CARS2: variants seen among roughly 807,000 people sequenced by gnomAD.
CARS2 encodes cysteinyl-tRNA synthetase 2, mitochondrial.
CARS2 carries 52 observed loss-of-function variants against 68.8 expected under a neutral mutation model. That is an observed-to-expected ratio of 0.76 (90% CI 0.61 to 0.95). The LOEUF is 0.95. Ranked by LOEUF, CARS2 falls within the 40% of genes least tolerant of loss-of-function variation. The pLI is 0.00. For missense variants in CARS2, 780 were observed against 754.2 expected (o/e 1.03, Z -0.40); for synonymous variants, 314 against 303.6 (o/e 1.03, Z -0.36).
At chr13:110,692,069 C>T (rs1408699871) in intron 3 of CARS2, among the ~76,000 whole-genome samples, 2 of 136,558 alleles carry the variant, frequency 1.5e-5, no homozygotes, top group African/African-American at 2.8e-5. Context: ...TATATATATA[C>T]ACACATACAT....
chr13:110,680,261 A>T (rs2063122863), intron 6 of CARS2, among the ~76,000 whole-genome samples: 2 of 151,990 alleles, frequency 1.3e-5, no homozygotes, highest in South Asian at 4.1e-4. Context: ...GTGTGGTGGC[A>T]TGCCCCTGTA....
intron 9 of CARS2, among the ~76,000 whole-genome samples, chr13:110,659,346 A>G (rs1232231987): frequency 1.3e-5 from 2 of 152,184 alleles, no homozygotes; most frequent in Non-Finnish European, 2.9e-5. Flanking sequence ...GTTGTAAAAG[A>G]TGTATCCTGC....
chr13:110,643,564 C>T (rs1314532048), intron 13 of CARS2: 1 of 153,770 alleles, frequency 6.5e-6, no homozygotes, highest in Admixed American at 6.5e-5. Context: ...GGGTGCTGGG[C>T]AGCTGGTCTA....
chr13:110,646,103 G>A lies in CARS2; in HGVS notation c.1194-13C>T, dbSNP rs185831746. Reference sequence around the variant, plus strand: ...GGTGCTGGAGAGCCTGAGGGAAGAGGAGAGAACAGTCACAGCAGAGGGAGC... The same window carrying A: ...GGTGCTGGAGAGCCTGAGGGAAGAGAAGAGAACAGTCACAGCAGAGGGAGC... On this transcript the variant is annotated splice_polypyrimidine_tract_variant and intron_variant, in intron 11 of 14. Coordinates refer to ENST00000257347, the MANE Select transcript of CARS2 (RefSeq NM_024537.4). 4 of 1,611,600 alleles carry A rather than the reference G, an allele frequency of 2.5e-6. No individual in the cohort carries two copies. In the Admixed American group the frequency reaches 5.0e-5, roughly 20 times the overall value.
intron 1 of CARS2, chr13:110,712,854 C>T (rs1171784784): frequency 7.8e-6 from 9 of 1,160,898 alleles, no homozygotes; most frequent in Middle Eastern, 1.9e-4. Flanking sequence ...CCTCTCAGGC[C>T]CCTTTGTCTC....
At chr13:110,700,812 T>C (rs1451381840) in intron 3 of CARS2, among the ~76,000 whole-genome samples, 2 of 152,206 alleles carry the variant, frequency 1.3e-5, no homozygotes, top group African/African-American at 2.4e-5. Flanking sequence ...AGTCAAGTCA[T>C]TTCCCTTGGA....
chr13:110,701,294 C>T (rs994141350), intron 3 of CARS2, 144 bp downstream of exon 3: 1 of 587,662 alleles, frequency 1.7e-6, no homozygotes, highest in African/African-American at 1.9e-5. Context: ...AAACTCCTGA[C>T]CTCAAGTGAT....
intron 9 of CARS2, among the ~76,000 whole-genome samples, chr13:110,652,766 C>G (rs2062252116): frequency 6.6e-6 from 1 of 152,152 alleles, no homozygotes; most frequent in African/African-American, 2.4e-5. Flanking sequence ...ACCTGGGGTC[C>G]ACAGACCTCC....
chr13:110,696,593 A>G (rs1016840101), intron 3 of CARS2, among the ~76,000 whole-genome samples: 1 of 152,244 alleles, frequency 6.6e-6, no homozygotes, highest in African/African-American at 2.4e-5. Flanking sequence ...ATTACATTGA[A>G]GTCAGACATT....
intron 10 of CARS2, 33 bp downstream of exon 10, chr13:110,650,998 TGGG>T: frequency 6.7e-7 from 1 of 1,503,596 alleles, no homozygotes; most frequent in Non-Finnish European, 9.2e-7. Flanking sequence ...GTCTCCGAGC[TGGG>T]GGGGGAGTCC....
At chr13:110,675,911 T>A (rs2062935217) in intron 7 of CARS2, among the ~76,000 whole-genome samples, 1 of 152,086 alleles carries the variant, frequency 6.6e-6, no homozygotes, top group African/African-American at 2.4e-5. Flanking sequence ...ATCCCAGCAC[T>A]TTGGGAGGCC....
chr13:110,649,746 C>T (rs1041959496), intron 10 of CARS2, among the ~76,000 whole-genome samples: 1 of 152,020 alleles, frequency 6.6e-6, no homozygotes, highest in African/African-American at 2.4e-5. Context: ...CACCAGAGGC[C>T]AGAAGGACAG....
rs1249270267 is a variant in CARS2, at chr13:110,649,931, C to CTGTTTTTTTTTTTTTTTTTTTTTTTT, written c.1054+1102_1054+1103insAAAAAAAAAAAAAAAAAAAAAAAACA. 7.2e-4 allele frequency among the ~76,000 whole-genome samples: 53 copies of CTGTTTTTTTTTTTTTTTTTTTTTTTT among 73,146 alleles called. 4 individuals carry two copies. The highest frequency in any genetic ancestry group is 7.8e-3 in the Middle Eastern group (1 of 128). 48.0% of individuals were successfully genotyped at this position (73,146 alleles called of 152,430 possible). A position where few individuals can be genotyped will look rare whatever the true frequency, so the allele number is the denominator to read the frequency against. On this transcript the variant is annotated intron_variant, in intron 10 of 14. Coordinates refer to ENST00000257347, the MANE Select transcript of CARS2 (RefSeq NM_024537.4). ...CCAGGGATGCAGCTCTGGATAACGA[C>CTGTTTTTTTTTTTTTTTTTTTTTTTT]TTTTTTTTTTTTTTTTTTTTTTTTG...
Position 110,641,471 on chromosome 13 carries a change from A to G in CARS2, c.*66T>C. On this transcript the variant is annotated 3_prime_UTR_variant, in exon 15 of 15. Coordinates refer to ENST00000257347, the MANE Select transcript of CARS2 (RefSeq NM_024537.4). Reference sequence around the variant, plus strand: ...CAGCCCCGACAGGAAGCTTTAACATAAAGCCTTGACCCTGAGAAGCATGGG... The same window carrying G: ...CAGCCCCGACAGGAAGCTTTAACATGAAGCCTTGACCCTGAGAAGCATGGG... The G allele has an allele frequency of 7.6e-7, 1 of 1,321,616 alleles. No homozygotes were observed. The highest frequency in any genetic ancestry group is 1.2e-5 in the South Asian group (1 of 85,446). The allele number at this position is 1,321,616 out of a possible 1,614,324, so 81.9% of individuals were successfully genotyped here.
chr13:110,687,982 CAT>C lies in CARS2; in HGVS notation c.428_429del (p.Tyr143Ter). 1 of 1,612,674 alleles carries C rather than the reference CAT, an allele frequency of 6.2e-7. No homozygotes were observed. Among genetic ancestry groups the C allele is most frequent in the Non-Finnish European group, 8.5e-7 (1 of 1,179,568 alleles). On this transcript the variant is annotated frameshift_variant, in exon 4 of 15. Transcript: ENST00000257347. LOFTEE classifies it high-confidence loss of function. ...GCCATGTCCTGCTTGAAGTCTTCCT[CAT>C]AAAGACTGGCGAGGGAAGCGGGGGA... ...NISPASLASL[Y>X]EEDFKQDMAA...
rs1195680674 is a variant in CARS2, at chr13:110,642,320, T to C, written c.1618A>G (p.Ile540Val). The change falls in exon 14 of 15, where the codon ATC (isoleucine) becomes GTC (valine). Residue 540 changes from isoleucine to valine, a missense_variant. Transcript: ENST00000257347. ...GACCTTGGTGCGGCACTCACCTTGA[T>C]GTTGATGCCGTGGGCAGTCAGGCCC... ...RRGLTAHGINIKDRSSTTSTW... is the reference protein window; with the variant it reads ...RRGLTAHGINVKDRSSTTSTW... 5.2e-6 allele frequency: 8 copies of C among 1,549,504 alleles called. No homozygotes were observed. Among genetic ancestry groups the C allele is most frequent in the East Asian group, 2.4e-5 (1 of 40,876 alleles).
At chr13:110,671,314 G>C (rs2062797499) in intron 7 of CARS2, among the ~76,000 whole-genome samples, 1 of 152,172 alleles carries the variant, frequency 6.6e-6, no homozygotes. Flanking sequence ...CAGCCAGAGA[G>C]AAAGGTCGGG....
Position 110,665,826 on chromosome 13 carries a change from C to T in CARS2, c.919+1514G>A, listed in dbSNP as rs543113000. The T allele has an allele frequency of 3.8e-5, 37 of 985,356 alleles. No homozygotes were observed. The highest frequency in any genetic ancestry group is 2.3e-4 in the East Asian group (2 of 8,804). 61.0% of individuals were successfully genotyped at this position (985,356 alleles called of 1,614,324 possible). On this transcript the variant is annotated intron_variant, in intron 8 of 14. Coordinates refer to ENST00000257347, the MANE Select transcript of CARS2 (RefSeq NM_024537.4). The surrounding 1 kb of genome is among the most constrained non-coding windows in gnomAD (Gnocchi z 4.3). ...TGAACCCTGCTGCGGACCAGAAAAC[C>T]GGAGCACTTCTGCATTTAATGTCAC...
chr13:110,642,795 G>A, intron 13 of CARS2: 2 of 695,238 alleles, frequency 2.9e-6, no homozygotes, highest in Non-Finnish European at 2.6e-6. Flanking sequence ...GGGGCTGCAT[G>A]CCGCCCCGCC....
Sources: allele counts gnomAD v4.1 joint callset (sites outside exome capture counted in the v4.1 genomes callset), GRCh38; gene constraint gnomAD v4.1.1; non-coding constraint Gnocchi (gnomAD v3.1); transcripts MANE v1.5; gene names NCBI Gene and HGNC (gene_info 2026-07-23, HGNC 2026-07-21).